The following GRAMD1C variants were observed in gnomAD, a reference collection of about 807,000 sequenced individuals.
GRAMD1C encodes GRAM domain containing 1C.
In GRAMD1C, 89 loss-of-function variants were observed where a neutral mutation model predicts 97.8. The observed-to-expected ratio is 0.91, with a 90% CI of 0.77 to 1.09. The LOEUF (loss-of-function observed/expected upper bound fraction) is 1.09. GRAMD1C is among the 50% of genes least tolerant of loss of function. The probability of loss-of-function intolerance (pLI) is 0.00; values close to 1 mark genes in which losing one functional copy is unlikely to be tolerated. For missense variants in GRAMD1C, 740 were observed against 766.4 expected, an observed-to-expected ratio of 0.97 and a Z score of 0.41; for synonymous variants, 256 against 267.0, an observed-to-expected ratio of 0.96 and a Z score of 0.40.
At chr3:113,875,137 G>GTTT (rs35497926) in intron 3 of GRAMD1C, among the ~76,000 whole-genome samples, 48 of 151,456 alleles carry the variant, frequency 3.2e-4, no homozygotes, top group Non-Finnish European at 5.2e-4. Context: ...TTAAAGATCA[G>GTTT]TTTTTTTTAG....
intron 6 of GRAMD1C, chr3:113,890,804 G>T (rs1440770582): frequency 1.4e-6 from 1 of 691,252 alleles, no homozygotes; most frequent in Admixed American, 2.1e-5. Context: ...CTCCAGGGAA[G>T]TGATAAAGTT....
chr3:113,850,645 C>T (rs1577124343), intron 2 of GRAMD1C: 1 of 1,607,108 alleles, frequency 6.2e-7, no homozygotes, highest in Non-Finnish European at 8.5e-7. Context: ...GGTGCTTAGG[C>T]ATGTGGACGT....
rs117667616 is a variant in GRAMD1C, at chr3:113,854,230, C to T, written c.174+9581C>T. ...GCTATTGAATATACTACCGAATCTT[C>T]GGGGAGAGATTGGAGCCAGAAGTAA... On this transcript the variant is annotated intron_variant, in intron 2 of 17. Transcript: ENST00000358160. 3.0e-3 allele frequency among the ~76,000 whole-genome samples: 451 copies of T among 151,694 alleles called. 7 individuals are homozygous for T. The East Asian group carries it at 0.031, about 10-fold the overall frequency.
At chr3:113,886,755 GT>G (rs1031127868) in intron 6 of GRAMD1C, among the ~76,000 whole-genome samples, 10 of 129,620 alleles carry the variant, frequency 7.7e-5, no homozygotes, top group African/African-American at 2.0e-4. Context: ...ACCAAAAGTT[GT>G]TTTTTTTTGT....
intron 6 of GRAMD1C, among the ~76,000 whole-genome samples, chr3:113,896,135 A>G (rs1359867666): frequency 6.6e-6 from 1 of 152,016 alleles, no homozygotes; most frequent in African/African-American, 2.4e-5. Flanking sequence ...CATGACACAC[A>G]CATGCTCAAG....
intron 2 of GRAMD1C, among the ~76,000 whole-genome samples, chr3:113,849,106 A>T (rs905195841): frequency 6.6e-6 from 1 of 152,116 alleles, no homozygotes; most frequent in African/African-American, 2.4e-5. Flanking sequence ...TCTGCAACAT[A>T]TGCATTTATT....
intron 10 of GRAMD1C, among the ~76,000 whole-genome samples, chr3:113,928,193 A>G (rs759125909): frequency 3.3e-5 from 5 of 152,056 alleles, no homozygotes; most frequent in Admixed American, 2.0e-4. Flanking sequence ...TGCTGCCTGG[A>G]TGGATTCTGA....
intron 9 of GRAMD1C, among the ~76,000 whole-genome samples, chr3:113,910,410 C>T (rs919272026): frequency 5.3e-5 from 8 of 152,090 alleles, no homozygotes; most frequent in Admixed American, 1.3e-4. Context: ...AGAAAACTTA[C>T]TTGGTTTTAG....
chr3:113,866,308 A>C (rs1037131159), intron 2 of GRAMD1C, among the ~76,000 whole-genome samples: 2 of 152,150 alleles, frequency 1.3e-5, no homozygotes, highest in East Asian at 3.8e-4. Flanking sequence ...TTATTATGAA[A>C]TCTCTCTTAG....
chr3:113,838,600 A>T, upstream of GRAMD1C: 1 of 315,440 alleles, frequency 3.2e-6, no homozygotes, highest in Non-Finnish European at 5.7e-6. Context: ...AAAGTTTCCG[A>T]GCAATTCACC....
chr3:113,840,264 C>T (rs4682502), intron 1 of GRAMD1C, among the ~76,000 whole-genome samples: 91,814 of 151,864 alleles, frequency 0.6, 28,685 homozygotes, highest in Middle Eastern at 0.69. Flanking sequence ...CCACCGCGCC[C>T]GGCCCTGAAA....
At chr3:113,889,707 C>T (rs1409822485) in intron 6 of GRAMD1C, among the ~76,000 whole-genome samples, 3 of 151,714 alleles carry the variant, frequency 2.0e-5, no homozygotes, top group African/African-American at 2.4e-5. Context: ...ATGGCGATCT[C>T]GGCTCACTGC....
Position 113,904,120 on chromosome 3 carries a change from T to C in GRAMD1C, c.657-20T>C. On this transcript the variant is annotated intron_variant, in intron 7 of 17. Transcript: ENST00000358160. ...GTGTGGAGGTGACCTTATATTTCTA[T>C]AATGATGTGTTTCTTACAGAAGTCC... The C allele has an allele frequency of 1.3e-6, 2 of 1,597,084 alleles. No homozygotes were observed. Among genetic ancestry groups the C allele is most frequent in the Non-Finnish European group, 1.7e-6 (2 of 1,166,192 alleles).
intron 6 of GRAMD1C, among the ~76,000 whole-genome samples, chr3:113,895,796 T>C (rs1327566264): frequency 1.3e-5 from 2 of 152,142 alleles, no homozygotes; most frequent in African/African-American, 4.8e-5. Flanking sequence ...GAAACCTAGA[T>C]GTATCCTTTT....
At chr3:113,917,700 T>C (rs1284572095) in intron 10 of GRAMD1C, among the ~76,000 whole-genome samples, 2 of 146,536 alleles carry the variant, frequency 1.4e-5, no homozygotes, top group African/African-American at 2.5e-5. Context: ...GTAAACATAA[T>C]TTTTTTTTTT....
intron 2 of GRAMD1C, among the ~76,000 whole-genome samples, chr3:113,853,150 A>G (rs1933980779): frequency 6.6e-6 from 1 of 152,250 alleles, no homozygotes; most frequent in South Asian, 2.1e-4. Flanking sequence ...CACCAGGCAG[A>G]TTTGAAAAAA....
At chr3:113,924,112 G>A (rs1416631320) in intron 10 of GRAMD1C, among the ~76,000 whole-genome samples, 1 of 145,948 alleles carries the variant, frequency 6.9e-6, no homozygotes, top group African/African-American at 2.5e-5. Flanking sequence ...TTTTTCTGTG[G>A]GGTCGGTGGT....
intron 1 of GRAMD1C, among the ~76,000 whole-genome samples, chr3:113,832,506 T>C (rs1709572696): frequency 6.6e-6 from 1 of 152,174 alleles, no homozygotes; most frequent in African/African-American, 2.4e-5. Context: ...TTCAGTGACA[T>C]TACGTGCATT....
At chr3:113,850,336 G>A in intron 2 of GRAMD1C, 1 of 736,814 alleles carries the variant, frequency 1.4e-6, no homozygotes, top group South Asian at 1.4e-5. Flanking sequence ...TGGCACCAGG[G>A]GGCACAAAAC....
Sources: gnomAD v4.1 joint callset for allele counts (sites outside exome capture counted in the v4.1 genomes callset) on GRCh38, gnomAD v4.1.1 for gene constraint, MANE v1.5 for transcripts, NCBI Gene and HGNC (gene_info 2026-07-23, HGNC 2026-07-21) for gene names.